Variants in DCAF10 observed in about 807,000 individuals in gnomAD.
DCAF10 encodes the protein DDB1 and CUL4 associated factor 10, also known as DDB1- and CUL4-associated factor 10.
Under a neutral mutation model 51.9 loss-of-function variants are expected in DCAF10, and 19 were observed. That is an observed-to-expected ratio of 0.37 (90% CI 0.26 to 0.54). The LOEUF is 0.54. DCAF10 is among the 20% of genes least tolerant of loss of function. The pLI is 0.87. For synonymous variants in DCAF10, 291 were observed against 297.1 expected (o/e 0.98, Z 0.21); for missense variants, 510 against 730.6 (o/e 0.70, Z 3.48).
chr9:37,808,775 T>C (rs559672855), intron 1 of DCAF10, among the ~76,000 whole-genome samples: 50 of 125,640 alleles, frequency 4.0e-4, no homozygotes, highest in Non-Finnish European at 7.2e-4. Context: ...TTATATAATA[T>C]ATATTATATA....
rs776609526 is a variant in DCAF10, at chr9:37,801,238, C to A, written c.372C>A (p.Phe124Leu). The A allele has an allele frequency of 2.1e-5, 33 of 1,579,560 alleles. No individual in the cohort carries two copies. The highest frequency in any genetic ancestry group is 2.8e-5 in the Non-Finnish European group (33 of 1,165,952). The change falls in exon 1 of 7, where the codon TTC (phenylalanine) becomes TTA (leucine). Residue 124 changes from phenylalanine to leucine, a missense_variant. Phe to Leu is a conservative substitution (Grantham distance 22). Coordinates refer to ENST00000377724, the MANE Select transcript of DCAF10 (RefSeq NM_024345.5). The surrounding 1 kb of genome is among the most constrained non-coding windows in gnomAD (Gnocchi z 5.5). ...AGLGGPGARLFGWLKERSLGR... is the reference protein window; with the variant it reads ...AGLGGPGARLLGWLKERSLGR... ...TGGGCGGCCCTGGCGCTAGGCTGTT[C>A]GGGTGGCTGAAAGAGCGCAGCCTGG... is the stretch of plus-strand genomic sequence containing the variant.
chr9:37,813,153 T>TCAAC (rs1829406050), intron 1 of DCAF10, among the ~76,000 whole-genome samples: 1 of 151,982 alleles, frequency 6.6e-6, no homozygotes, highest in Non-Finnish European at 1.5e-5. Context: ...CAGGCTGGAG[T>TCAAC]TCATTGGTGC....
intron 3 of DCAF10, among the ~76,000 whole-genome samples, chr9:37,849,809 G>A (rs1830581064): frequency 6.6e-6 from 1 of 152,058 alleles, no homozygotes; most frequent in Non-Finnish European, 1.5e-5. Flanking sequence ...GAACCTGGGA[G>A]GCGGAGGTTG....
chr9:37,816,659 G>GGGGGGTGTGTGTGTGTGTGTGTGTGT (rs372664140), intron 1 of DCAF10, among the ~76,000 whole-genome samples: 51 of 144,984 alleles, frequency 3.5e-4, no homozygotes, highest in East Asian at 6.1e-4. Context: ...CTGCACCTGG[G>GGGGGGTGTGTGTGTGTGTGTGTGTGT]GTGTGTGTGT....
chr9:37,855,558 A>T (rs531813151), intron 4 of DCAF10, among the ~76,000 whole-genome samples: 1 of 152,346 alleles, frequency 6.6e-6, no homozygotes, highest in South Asian at 2.1e-4. Context: ...TATCAACATT[A>T]TGTGATTTAA....
chr9:37,852,216 G>A (rs1202839599), intron 3 of DCAF10, among the ~76,000 whole-genome samples: 1 of 152,170 alleles, frequency 6.6e-6, no homozygotes, highest in Non-Finnish European at 1.5e-5. Context: ...AGTAACAATG[G>A]AAAATAGAAC....
intron 2 of DCAF10, among the ~76,000 whole-genome samples, chr9:37,832,711 G>A (rs1031929612): frequency 4.6e-5 from 7 of 152,070 alleles, no homozygotes; most frequent in African/African-American, 1.7e-4. Flanking sequence ...AGAATTAAGA[G>A]TAGTGATCAA....
intron 2 of DCAF10, among the ~76,000 whole-genome samples, chr9:37,821,923 A>T (rs1210443755): frequency 1.3e-5 from 2 of 152,102 alleles, no homozygotes; most frequent in Non-Finnish European, 2.9e-5. Flanking sequence ...AAAAAAAAAC[A>T]ACAATCAATC....
At chr9:37,807,664 T>C (rs1439673117) in intron 1 of DCAF10, among the ~76,000 whole-genome samples, 60 of 142,534 alleles carry the variant, frequency 4.2e-4, no homozygotes, top group South Asian at 6.7e-4. Context: ...TTTTCTTTTT[T>C]TTTTTTTTTT....
chr9:37,828,478 A>C (rs1829917846), intron 2 of DCAF10, among the ~76,000 whole-genome samples: 1 of 152,190 alleles, frequency 6.6e-6, no homozygotes, highest in African/African-American at 2.4e-5. Flanking sequence ...AACAAATTCA[A>C]ATCTTCTCTG....
At chr9:37,855,112 G>A (rs1476799049) in intron 4 of DCAF10, 130 bp downstream of exon 4, 2 of 785,858 alleles carry the variant, frequency 2.5e-6, no homozygotes, top group African/African-American at 3.5e-5. Context: ...TCTTTAGAAA[G>A]CTCATTGATG....
intron 1 of DCAF10, among the ~76,000 whole-genome samples, chr9:37,802,840 A>G (rs1828999315): frequency 6.6e-6 from 1 of 152,160 alleles, no homozygotes; most frequent in African/African-American, 2.4e-5. Flanking sequence ...CCTTCAGCCA[A>G]GCCCTATTCC....
At chr9:37,817,841 A>G (rs904021398) in intron 1 of DCAF10, among the ~76,000 whole-genome samples, 4 of 152,200 alleles carry the variant, frequency 2.6e-5, no homozygotes, top group Non-Finnish European at 4.4e-5. Flanking sequence ...ATAGCTATTT[A>G]TATGTCTTCA....
At chr9:37,828,075 A>G (rs1829904361) in intron 2 of DCAF10, among the ~76,000 whole-genome samples, 1 of 152,004 alleles carries the variant, frequency 6.6e-6, no homozygotes, top group South Asian at 2.1e-4. Context: ...TTTTGTAGAG[A>G]CAGGGTCTTG....
rs755569867 is a variant in DCAF10 at position 37,834,444 on chromosome 9, A to G, written c.654-7645A>G. On this transcript the variant is annotated intron_variant, in intron 2 of 6. Coordinates refer to ENST00000377724, the MANE Select transcript of DCAF10 (RefSeq NM_024345.5). The stretch of plus-strand genomic sequence containing the variant: ...TAAAATATCCTTTCATGCAACAATT[A>G]TAGTTTTTTAAATGACCTTATTAAG... 9.8e-4 allele frequency among the ~76,000 whole-genome samples: 149 copies of G among 152,270 alleles called. 2 individuals carry two copies. The highest frequency in any genetic ancestry group is 4.6e-4 in the Non-Finnish European group (31 of 68,026).
upstream of DCAF10, chr9:37,800,721 T>TCCCCGGCGGA: frequency 2.0e-6 from 3 of 1,535,288 alleles, no homozygotes; most frequent in Non-Finnish European, 1.7e-6. Flanking sequence ...GCTTTCCCGG[T>TCCCCGGCGGA]CCCCGGCGGA....
Position 37,853,037 on chromosome 9 carries a change from AT to A in DCAF10, c.852-1735del, listed in dbSNP as rs996254705. On this transcript the variant is annotated intron_variant, in intron 3 of 6. Transcript: ENST00000377724. ...ATCATGTACACCATTAAAAAATTTTATTTTTTTTAAAGGCTGAGGCAGGAGA... is the reference window on the plus strand; with the variant it reads ...ATCATGTACACCATTAAAAAATTTTATTTTTTTAAAGGCTGAGGCAGGAGA... 2.7e-3 allele frequency among the ~76,000 whole-genome samples: 395 copies of A among 147,436 alleles called. 3 individuals carry two copies. The highest frequency in any genetic ancestry group is 9.2e-3 in the African/African-American group (368 of 39,998).
rs1304250510 is a variant in DCAF10, at chr9:37,801,057, C to T, written c.191C>T (p.Pro64Leu). 1.4e-5 allele frequency: 21 copies of T among 1,533,230 alleles called. No individual in the cohort carries two copies. Among genetic ancestry groups the T allele is most frequent in the East Asian group, 2.6e-5 (1 of 39,164 alleles). 95.0% of individuals were successfully genotyped at this position (1,533,230 alleles called of 1,614,324 possible). Reference protein sequence around the residue: ...PRRPGAPSLSPAPRSGELGLP... With the variant: ...PRRPGAPSLSLAPRSGELGLP... ...CGCCCCGGCGCCCCATCGCTGTCCC[C>T]GGCCCCGCGCTCCGGAGAGCTAGGG... Residue 64 changes from proline to leucine, a missense_variant, in exon 1 of 7, where the codon CCG (proline) becomes CTG (leucine). Physicochemically the swap from Pro to Leu is moderately conservative, Grantham distance 98. Transcript: ENST00000377724. The surrounding 1 kb of genome is among the most constrained non-coding windows in gnomAD (Gnocchi z 5.5).
intron 2 of DCAF10, among the ~76,000 whole-genome samples, chr9:37,828,909 T>C (rs1425144177): frequency 6.6e-6 from 1 of 152,242 alleles, no homozygotes; most frequent in Admixed American, 6.5e-5. Context: ...GGAGAAAGTA[T>C]AGAATATAGT....
Sources: allele counts gnomAD v4.1 joint callset (sites outside exome capture counted in the v4.1 genomes callset), GRCh38; gene constraint gnomAD v4.1.1; non-coding constraint Gnocchi (gnomAD v3.1); transcripts MANE v1.5; gene names NCBI Gene and HGNC (gene_info 2026-07-23, HGNC 2026-07-21).